ADAMTS3: variants seen among roughly 807,000 people sequenced by gnomAD.
ADAMTS3 encodes A disintegrin and metalloproteinase with thrombospondin motifs 3.
A neutral mutation model predicts 129.0 loss-of-function variants in ADAMTS3; 73 were observed. The observed-to-expected ratio is 0.57, with a 90% CI of 0.47 to 0.69. The LOEUF is 0.69. Ranked by LOEUF, ADAMTS3 falls within the 30% of genes least tolerant of loss-of-function variation. The pLI is 0.00. For missense variants in ADAMTS3, 1,457 were observed against 1,514.5 expected (o/e 0.96, Z 0.63); for synonymous variants, 477 against 510.8 (o/e 0.93, Z 0.89).
intron 3 of ADAMTS3, among the ~76,000 whole-genome samples, chr4:72,483,390 ATAGTC>A (rs1426870490): frequency 6.6e-6 from 1 of 152,208 alleles, no homozygotes; most frequent in Non-Finnish European, 1.5e-5. Flanking sequence ...GCTAAACTAA[ATAGTC>A]TAGCCTTGGT....
intron 3 of ADAMTS3, among the ~76,000 whole-genome samples, chr4:72,534,152 C>T (rs779323171): frequency 6.6e-6 from 1 of 152,038 alleles, no homozygotes; most frequent in Non-Finnish European, 1.5e-5. Context: ...ACGGTGAAAA[C>T]CCGTCTCTAC....
At chr4:72,407,668 C>T (rs527785928) in intron 4 of ADAMTS3, among the ~76,000 whole-genome samples, 1 of 152,086 alleles carries the variant, frequency 6.6e-6, no homozygotes, top group African/African-American at 2.4e-5. Flanking sequence ...AAAGAATGGC[C>T]ACAAAGACTT....
intron 5 of ADAMTS3, among the ~76,000 whole-genome samples, chr4:72,335,488 T>C (rs988079692): frequency 1.3e-5 from 2 of 152,164 alleles, no homozygotes; most frequent in Admixed American, 6.5e-5. Context: ...ATACTGTGTG[T>C]TAAGTGTTCT....
At chr4:72,294,400 T>G (rs1388078719) in intron 19 of ADAMTS3, among the ~76,000 whole-genome samples, 1 of 152,082 alleles carries the variant, frequency 6.6e-6, no homozygotes, top group Non-Finnish European at 1.5e-5. Context: ...TGTCTATGGT[T>G]AATAATTATG....
At chr4:72,430,758 T>C (rs902806208) in intron 3 of ADAMTS3, among the ~76,000 whole-genome samples, 1 of 151,200 alleles carries the variant, frequency 6.6e-6, no homozygotes, top group African/African-American at 2.4e-5. Flanking sequence ...TTATTTTTAA[T>C]AGTTTAAACA....
chr4:72,322,702 C>G (rs962463783), intron 6 of ADAMTS3, among the ~76,000 whole-genome samples: 2 of 152,122 alleles, frequency 1.3e-5, no homozygotes, highest in African/African-American at 4.8e-5. Context: ...TAACAATAGG[C>G]TAAGGAAATT....
Position 72,437,139 on chromosome 4 carries a change from T to C in ADAMTS3, c.505-22168A>G, listed in dbSNP as rs1560515279. 4.6e-5 allele frequency among the ~76,000 whole-genome samples: 7 copies of C among 151,960 alleles called. No individual in the cohort carries two copies. The South Asian group carries it at 1.0e-3, about 22-fold the overall frequency. On this transcript the variant is annotated intron_variant, in intron 3 of 21. Coordinates refer to ENST00000286657, the MANE Select transcript of ADAMTS3 (RefSeq NM_014243.3). ...AATAGTTAAAAGTAGAACTACAAAT[T>C]GTGATGTGAGTATTCTGTAAAACTT...
At chr4:72,533,794 G>A (rs1721116568) in intron 3 of ADAMTS3, among the ~76,000 whole-genome samples, 2 of 151,444 alleles carry the variant, frequency 1.3e-5, no homozygotes, top group South Asian at 4.2e-4. Context: ...AAGCCTTCAA[G>A]TACACAGAGC....
At chr4:72,417,461 CA>C (rs1351154262) in intron 3 of ADAMTS3, among the ~76,000 whole-genome samples, 2 of 152,076 alleles carry the variant, frequency 1.3e-5, no homozygotes, top group East Asian at 3.9e-4. Flanking sequence ...ACAGGTAAAA[CA>C]AAATTCAACA....
intron 4 of ADAMTS3, among the ~76,000 whole-genome samples, chr4:72,410,700 T>C (rs1722165208): frequency 6.6e-6 from 1 of 152,094 alleles, no homozygotes; most frequent in Admixed American, 6.6e-5. Flanking sequence ...TTTAGACAAA[T>C]GATTGATTTA....
At chr4:72,465,577 T>C (rs553975097) in intron 3 of ADAMTS3, among the ~76,000 whole-genome samples, 1 of 152,106 alleles carries the variant, frequency 6.6e-6, no homozygotes, top group South Asian at 2.1e-4. Context: ...AACTATGTCC[T>C]ACACACTGGG....
chr4:72,283,963 A>AT (rs1389806818), intron 21 of ADAMTS3, among the ~76,000 whole-genome samples: 8 of 152,146 alleles, frequency 5.3e-5, no homozygotes, highest in South Asian at 2.1e-4. Context: ...CACAGAGGGT[A>AT]TTTTTTTCTC....
At chr4:72,335,300 T>A (rs531122901) in intron 5 of ADAMTS3, among the ~76,000 whole-genome samples, 2 of 152,166 alleles carry the variant, frequency 1.3e-5, no homozygotes, top group African/African-American at 4.8e-5. Flanking sequence ...CAGATTTGCA[T>A]GGCAACACCT....
chr4:72,529,300 T>C (rs1720896301), intron 3 of ADAMTS3, among the ~76,000 whole-genome samples: 1 of 152,056 alleles, frequency 6.6e-6, no homozygotes, highest in Non-Finnish European at 1.5e-5. Context: ...GCTCTCAAAA[T>C]GTAGCATCAT....
intron 5 of ADAMTS3, among the ~76,000 whole-genome samples, chr4:72,332,393 C>A (rs1429923618): frequency 6.6e-6 from 1 of 152,092 alleles, no homozygotes; most frequent in Non-Finnish European, 1.5e-5. Context: ...GGGAAGCCTG[C>A]CCTGTTCAGA....
intron 3 of ADAMTS3, among the ~76,000 whole-genome samples, chr4:72,426,466 C>G (rs189578516): frequency 4.0e-4 from 61 of 152,178 alleles, no homozygotes; most frequent in African/African-American, 1.4e-3. Context: ...AATGCACATA[C>G]CCAAACTATA....
At chr4:72,382,539 C>G (rs1033138292) in intron 4 of ADAMTS3, among the ~76,000 whole-genome samples, 3 of 152,006 alleles carry the variant, frequency 2.0e-5, no homozygotes, top group Non-Finnish European at 2.9e-5. Context: ...TGGGTATCTA[C>G]CCAAAGGAAA....
intron 4 of ADAMTS3, among the ~76,000 whole-genome samples, chr4:72,387,310 T>G (rs994066450): frequency 6.6e-6 from 1 of 152,194 alleles, no homozygotes; most frequent in Non-Finnish European, 1.5e-5. Context: ...TCCACAGAGA[T>G]TTGGTCTCTC....
chr4:72,377,903 A>T (rs1721174051), intron 4 of ADAMTS3, among the ~76,000 whole-genome samples: 1 of 152,230 alleles, frequency 6.6e-6, no homozygotes, highest in Non-Finnish European at 1.5e-5. Flanking sequence ...AGGGAATAAC[A>T]GAGTGTGAGC....
Sources: gnomAD v4.1 joint callset for allele counts (sites outside exome capture counted in the v4.1 genomes callset) on GRCh38, gnomAD v4.1.1 for gene constraint, MANE v1.5 for transcripts, NCBI Gene and HGNC (gene_info 2026-07-23, HGNC 2026-07-21) for gene names.